NPSR1: variants seen among roughly 807,000 people sequenced by gnomAD.
NPSR1 encodes the protein neuropeptide S receptor 1, also known as neuropeptide S receptor.
NPSR1 carries 48 observed loss-of-function variants against 46.9 expected under a neutral mutation model. The observed-to-expected ratio is 1.02, with a 90% CI of 0.81 to 1.30. NPSR1 has a LOEUF of 1.30. Ranked by LOEUF, NPSR1 falls within the 50% of genes most tolerant of loss-of-function variation. The pLI is 0.00. For synonymous variants in NPSR1, 176 were observed against 168.1 expected (o/e 1.05, Z -0.36); for missense variants, 450 against 449.5 (o/e 1.00, Z -0.01).
intron 2 of NPSR1, among the ~76,000 whole-genome samples, chr7:34,759,031 G>C (rs376944486): frequency 6.6e-6 from 1 of 152,138 alleles, no homozygotes; most frequent in African/African-American, 2.4e-5. Flanking sequence ...ATGTGCTTTT[G>C]AGAGTTATAC....
intron 1 of NPSR1, chr7:34,660,141 C>T (rs1171975017): frequency 2.0e-5 from 9 of 456,620 alleles, no homozygotes; most frequent in Admixed American, 7.0e-5. Context: ...TCGCCAGACA[C>T]TAAAGAGAAT....
chr7:34,813,513 T>C (rs1789094273), intron 4 of NPSR1, among the ~76,000 whole-genome samples: 2 of 152,176 alleles, frequency 1.3e-5, no homozygotes. Context: ...TGGGCAGTAA[T>C]ATGCATCAAC....
intron 2 of NPSR1, among the ~76,000 whole-genome samples, chr7:34,748,125 C>T (rs17777675): frequency 0.13 from 19,072 of 152,196 alleles, 1,468 homozygotes; most frequent in Non-Finnish European, 0.17. Flanking sequence ...ACCTGTTATG[C>T]TTTCATATAG....
chr7:34,732,818 T>C (rs565618319), intron 2 of NPSR1, among the ~76,000 whole-genome samples: 1 of 152,282 alleles, frequency 6.6e-6, no homozygotes. Flanking sequence ...TCAGCACATA[T>C]GCATGCTCAC....
chr7:34,831,320 C>T (rs1790107498), intron 5 of NPSR1, among the ~76,000 whole-genome samples: 1 of 150,550 alleles, frequency 6.6e-6, no homozygotes, highest in South Asian at 2.1e-4. Context: ...ACATCACACA[C>T]ACACACACAC....
At chr7:34,689,787 T>A (rs887089039) in intron 2 of NPSR1, among the ~76,000 whole-genome samples, 2 of 150,594 alleles carry the variant, frequency 1.3e-5, no homozygotes, top group African/African-American at 2.4e-5. Flanking sequence ...CTGCAAAAAA[T>A]TTTTAAAATT....
chr7:34,706,748 A>C (rs544578694), intron 2 of NPSR1, among the ~76,000 whole-genome samples: 1 of 152,144 alleles, frequency 6.6e-6, no homozygotes, highest in Non-Finnish European at 1.5e-5. Context: ...CTTGAGCTAA[A>C]GTTTTTTTGA....
chr7:34,659,914 A>T (rs1011788551), intron 1 of NPSR1, among the ~76,000 whole-genome samples: 2 of 152,126 alleles, frequency 1.3e-5, no homozygotes, highest in African/African-American at 2.4e-5. Context: ...TTCTTAGAAC[A>T]TGATAGCAAG....
intron 6 of NPSR1, among the ~76,000 whole-genome samples, chr7:34,839,343 G>A (rs1427603323): frequency 6.6e-6 from 1 of 152,136 alleles, no homozygotes; most frequent in Non-Finnish European, 1.5e-5. Flanking sequence ...TTTTAAAATA[G>A]ACAAGGAAAA....
intron 6 of NPSR1, among the ~76,000 whole-genome samples, chr7:34,834,984 C>G (rs1342200916): frequency 6.6e-6 from 1 of 152,232 alleles, no homozygotes; most frequent in Non-Finnish European, 1.5e-5. Context: ...AGACCACCTA[C>G]TACAACTCTT....
chr7:34,851,320 T>C (rs1041952912), downstream of NPSR1, among the ~76,000 whole-genome samples: 1 of 145,624 alleles, frequency 6.9e-6, no homozygotes, highest in Non-Finnish European at 1.5e-5. Context: ...TTTTTTTTTT[T>C]CATAAACTCT....
intron 3 of NPSR1, among the ~76,000 whole-genome samples, chr7:34,786,999 G>A (rs1038341450): frequency 6.6e-6 from 1 of 152,030 alleles, no homozygotes; most frequent in Non-Finnish European, 1.5e-5. Context: ...ACCTGCATTA[G>A]CTGTTAAAAA....
At chr7:34,671,882 C>G (rs1354738610) in intron 1 of NPSR1, among the ~76,000 whole-genome samples, 2 of 139,978 alleles carry the variant, frequency 1.4e-5, no homozygotes, top group Non-Finnish European at 3.0e-5. Flanking sequence ...ATACCAGGTC[C>G]AAGCCAAAGT....
intron 2 of NPSR1, among the ~76,000 whole-genome samples, chr7:34,695,548 T>C (rs1793477102): frequency 6.6e-6 from 1 of 152,186 alleles, no homozygotes; most frequent in South Asian, 2.1e-4. Context: ...ATTTGCAGAT[T>C]ATTTCTCCAA....
At chr7:34,701,561 T>C (rs1376316662) in intron 2 of NPSR1, among the ~76,000 whole-genome samples, 1 of 152,204 alleles carries the variant, frequency 6.6e-6, no homozygotes, top group Non-Finnish European at 1.5e-5. Flanking sequence ...TTAAAATGAA[T>C]ATGCCTTCTC....
At chr7:34,808,349 C>A (rs552118006) in intron 3 of NPSR1, among the ~76,000 whole-genome samples, 1 of 152,190 alleles carries the variant, frequency 6.6e-6, no homozygotes, top group Non-Finnish European at 1.5e-5. Flanking sequence ...ATTAAAATTT[C>A]TCCATTTTTA....
At chr7:34,858,202 A>C (rs1791093209) in intron 8 of NPSR1, among the ~76,000 whole-genome samples, 1 of 151,814 alleles carries the variant, frequency 6.6e-6, no homozygotes, top group Admixed American at 6.6e-5. Context: ...ACCCTACAGA[A>C]GTGTGAATTA....
At chr7:34,848,867 T>C (rs1790837151) in intron 8 of NPSR1, among the ~76,000 whole-genome samples, 1 of 152,230 alleles carries the variant, frequency 6.6e-6, no homozygotes, top group African/African-American at 2.4e-5. Flanking sequence ...CTTTTTCCTA[T>C]ACCACAACAC....
chr7:34,867,783 T>C (rs927207097), intron 8 of NPSR1, among the ~76,000 whole-genome samples: 4 of 151,852 alleles, frequency 2.6e-5, no homozygotes, highest in African/African-American at 9.7e-5. Flanking sequence ...GTCTGTGGCA[T>C]TGCACTCCCA....
Sources: gnomAD v4.1 joint callset for allele counts (sites outside exome capture counted in the v4.1 genomes callset) on GRCh38, gnomAD v4.1.1 for gene constraint, MANE v1.5 for transcripts, NCBI Gene and HGNC (gene_info 2026-07-23, HGNC 2026-07-21) for gene names.